Variants in R3HDM2 observed in about 807,000 individuals in gnomAD.
The protein encoded by R3HDM2 is R3H domain-containing protein 2.
In R3HDM2, 38 loss-of-function variants were observed where a neutral mutation model predicts 124.5. That is an observed-to-expected ratio of 0.31 (90% CI 0.24 to 0.40). The LOEUF (loss-of-function observed/expected upper bound fraction) is 0.40. R3HDM2 is among the 10% of genes least tolerant of loss of function. The pLI is 1.00. For missense variants in R3HDM2, 869 were observed against 1,236.9 expected (o/e 0.70, Z 4.46); for synonymous variants, 391 against 448.0 (o/e 0.87, Z 1.61).
At chr12:57,275,501 G>GAA (rs56371479) in intron 14 of R3HDM2, among the ~76,000 whole-genome samples, 3,579 of 127,444 alleles carry the variant, frequency 0.028, 92 homozygotes, top group East Asian at 0.076. Flanking sequence ...CGTTTGCATG[G>GAA]AAAAAAAAAA....
At chr12:57,280,018 T>C (rs560461362) in intron 14 of R3HDM2, among the ~76,000 whole-genome samples, 1 of 152,120 alleles carries the variant, frequency 6.6e-6, no homozygotes, top group African/African-American at 2.4e-5. Flanking sequence ...AATATATAGA[T>C]GTAATGGAAA....
rs1394645506 is a variant in R3HDM2 at position 57,419,974 on chromosome 12, A to T, written c.-106+10746T>A. ...AGACATCAGCTCCCTGACCCAAAAAAATAAGTCTCCTACATCACAAGTAAT... is the reference window on the plus strand; with the variant it reads ...AGACATCAGCTCCCTGACCCAAAAATATAAGTCTCCTACATCACAAGTAAT... On this transcript the variant is annotated intron_variant, in intron 1 of 23. Coordinates refer to ENST00000402412, the MANE Select transcript of R3HDM2 (RefSeq NM_001394031.1). 4.5e-4 allele frequency among the ~76,000 whole-genome samples: 69 copies of T among 152,068 alleles called. 2 individuals carry two copies. The highest frequency in any genetic ancestry group is 4.5e-3 in the Admixed American group (69 of 15,240).
intron 1 of R3HDM2, among the ~76,000 whole-genome samples, chr12:57,402,387 C>T (rs1047271533): frequency 3.3e-5 from 5 of 152,104 alleles, no homozygotes; most frequent in African/African-American, 9.7e-5. Flanking sequence ...CTCACTCTGT[C>T]GCTCAGGCTG....
At chr12:57,384,003 G>A (rs1044644474) in intron 2 of R3HDM2, among the ~76,000 whole-genome samples, 1 of 152,146 alleles carries the variant, frequency 6.6e-6, no homozygotes, top group Non-Finnish European at 1.5e-5. Flanking sequence ...CATTGGAAAG[G>A]CTTCAGAAGG....
chr12:57,264,052 G>T (rs189558749), intron 19 of R3HDM2, among the ~76,000 whole-genome samples: 11 of 152,138 alleles, frequency 7.2e-5, no homozygotes, highest in Admixed American at 7.2e-4. Flanking sequence ...GGCCCATCCT[G>T]GCCAACATGG....
chr12:57,427,373 A>G (rs1304308428), intron 1 of R3HDM2, among the ~76,000 whole-genome samples: 1 of 149,474 alleles, frequency 6.7e-6, no homozygotes, highest in Non-Finnish European at 1.5e-5. Context: ...TTTTTGAGAC[A>G]AAGTCTCAGT....
chr12:57,369,034 T>C (rs1446897784), intron 2 of R3HDM2, among the ~76,000 whole-genome samples: 4 of 152,222 alleles, frequency 2.6e-5, no homozygotes, highest in Non-Finnish European at 4.4e-5. Flanking sequence ...AATTCTAATA[T>C]AGAAGGATTA....
At position 57,280,548 on chromosome 12, in the gene R3HDM2, C is replaced by T; in HGVS notation, c.1172-18G>A. The T allele has an allele frequency of 1.9e-6, 3 of 1,573,676 alleles. No individual in the cohort carries two copies. Among genetic ancestry groups the T allele is most frequent in the Non-Finnish European group, 2.6e-6 (3 of 1,159,024 alleles). On this transcript the variant is annotated intron_variant, in intron 13 of 23. Coordinates refer to ENST00000402412, the MANE Select transcript of R3HDM2 (RefSeq NM_001394031.1). ...TGCCATACCTAAGGCAAAGAAGAAA[C>T]CCACAAAAAGTTGTAAGCATAAGCC...
intron 1 of R3HDM2, 60 bp downstream of exon 1, chr12:57,430,660 A>G (rs1869674017): frequency 1.1e-6 from 1 of 898,392 alleles, no homozygotes; most frequent in South Asian, 5.1e-5. Context: ...TGCGGCCGCC[A>G]CGCCCCCTCC....
chr12:57,412,979 G>A (rs184220355), intron 1 of R3HDM2, among the ~76,000 whole-genome samples: 3 of 151,980 alleles, frequency 2.0e-5, no homozygotes, highest in East Asian at 1.9e-4. Context: ...GTGAAACCCC[G>A]CCTCTACTAA....
intron 2 of R3HDM2, among the ~76,000 whole-genome samples, chr12:57,367,760 GCTTC>G (rs1282450180): frequency 6.6e-6 from 1 of 152,144 alleles, no homozygotes; most frequent in African/African-American, 2.4e-5. Context: ...GCATAAATCA[GCTTC>G]CTGTTACGCA....
intron 2 of R3HDM2, among the ~76,000 whole-genome samples, chr12:57,334,079 T>TA (rs901144959): frequency 6.6e-5 from 10 of 151,170 alleles, no homozygotes; most frequent in Admixed American, 3.3e-4. Context: ...TTCACATATA[T>TA]AAAAAAAACC....
intron 2 of R3HDM2, among the ~76,000 whole-genome samples, chr12:57,314,957 C>T (rs1441669145): frequency 6.6e-6 from 1 of 152,122 alleles, no homozygotes; most frequent in Non-Finnish European, 1.5e-5. Context: ...TCCCCGGGCT[C>T]AGGTGATCCT....
intron 2 of R3HDM2, among the ~76,000 whole-genome samples, chr12:57,358,237 T>G (rs1442978619): frequency 6.6e-6 from 1 of 152,066 alleles, no homozygotes; most frequent in African/African-American, 2.4e-5. Context: ...TCCGCCCGCC[T>G]AGGCCTCCCA....
chr12:57,330,162 C>T (rs1029982357), intron 2 of R3HDM2, among the ~76,000 whole-genome samples: 3 of 152,022 alleles, frequency 2.0e-5, no homozygotes, highest in African/African-American at 7.2e-5. Flanking sequence ...GACAGGGTTT[C>T]TCCATGTTGG....
At chr12:57,260,054 A>G (rs1168550910) in intron 19 of R3HDM2, among the ~76,000 whole-genome samples, 3 of 151,916 alleles carry the variant, frequency 2.0e-5, no homozygotes, top group Non-Finnish European at 2.9e-5. Context: ...GATTGAGCCC[A>G]GGAGTTCAAG....
At chr12:57,362,209 T>C (rs2062041441) in intron 2 of R3HDM2, among the ~76,000 whole-genome samples, 1 of 152,152 alleles carries the variant, frequency 6.6e-6, no homozygotes, top group African/African-American at 2.4e-5. Flanking sequence ...GCCTCTCCTT[T>C]CCCCTCCTCC....
At chr12:57,416,740 G>A (rs951389063) in intron 1 of R3HDM2, among the ~76,000 whole-genome samples, 1 of 151,958 alleles carries the variant, frequency 6.6e-6, no homozygotes. Context: ...TCTGAGAGGC[G>A]GAGGTTGCAG....
intron 2 of R3HDM2, among the ~76,000 whole-genome samples, chr12:57,352,174 G>A (rs529405752): frequency 3.3e-5 from 5 of 150,556 alleles, no homozygotes; most frequent in Non-Finnish European, 7.4e-5. Context: ...CCCAAGAGGT[G>A]GAGGTTGCAG....
Sources: allele counts gnomAD v4.1 joint callset (sites outside exome capture counted in the v4.1 genomes callset), GRCh38; gene constraint gnomAD v4.1.1; transcripts MANE v1.5; gene names NCBI Gene and HGNC (gene_info 2026-07-23, HGNC 2026-07-21).